ARHGAP23: variants seen among roughly 807,000 people sequenced by gnomAD.
The protein encoded by ARHGAP23 is rho GTPase-activating protein 23.
Under a neutral mutation model 136.3 loss-of-function variants are expected in ARHGAP23, and 34 were observed. That is an observed-to-expected ratio of 0.25 (90% CI 0.19 to 0.33). ARHGAP23 has a LOEUF of 0.33. Among genes scored for constraint, ARHGAP23 ranks in the 10% least tolerant of loss-of-function variants. The pLI is 1.00. For missense variants in ARHGAP23, 1,808 were observed against 2,139.0 expected, an observed-to-expected ratio of 0.85 and a Z score of 3.05; for synonymous variants, 832 against 920.5, an observed-to-expected ratio of 0.90 and a Z score of 1.74.
intron 23 of ARHGAP23, chr17:38,501,029 T>G (rs2040506596): frequency 5.3e-6 from 1 of 187,918 alleles, no homozygotes; most frequent in Non-Finnish European, 1.1e-5. Context: ...AGTAAATCTG[T>G]GGGGTGCTAT....
chr17:38,454,076 G>T (rs1297013624), intron 1 of ARHGAP23: 1 of 149,922 alleles, frequency 6.7e-6, no homozygotes. Context: ...CCGGAACCGC[G>T]CTGCCTCTGG....
At chr17:38,420,632 G>C (rs1232674518) in intron 1 of ARHGAP23, among the ~76,000 whole-genome samples, 1 of 152,132 alleles carries the variant, frequency 6.6e-6, no homozygotes, top group Non-Finnish European at 1.5e-5. Flanking sequence ...AAGTTCTGGG[G>C]GGTTGGAGAG....
intron 1 of ARHGAP23, among the ~76,000 whole-genome samples, chr17:38,440,708 G>T (rs774008494): frequency 9.8e-5 from 15 of 152,332 alleles, no homozygotes; most frequent in Non-Finnish European, 2.1e-4. Context: ...TTTCTTTGGG[G>T]GCACACAAGT....
chr17:38,478,049 CGG>C (rs2039940278), intron 12 of ARHGAP23, among the ~76,000 whole-genome samples, 153 bp downstream of exon 12: 1 of 152,146 alleles, frequency 6.6e-6, no homozygotes, highest in East Asian at 1.9e-4. Flanking sequence ...CCCAAGGTTT[CGG>C]GGTGAGGAGG....
intron 7 of ARHGAP23, among the ~76,000 whole-genome samples, chr17:38,467,718 C>G (rs2039647088): frequency 6.6e-6 from 1 of 152,100 alleles, no homozygotes; most frequent in South Asian, 2.1e-4. Context: ...ATCTATTCTT[C>G]CTTCTTTCCT....
At position 38,440,586 on chromosome 17, in the gene ARHGAP23, A is replaced by G. The variant is rs2038898236; in HGVS notation, c.63+12038A>G. 2.6e-5 allele frequency among the ~76,000 whole-genome samples: 4 copies of G among 151,968 alleles called. No individual in the cohort carries two copies. In the South Asian group the frequency reaches 8.3e-4, roughly 32 times the overall value. On this transcript the variant is annotated intron_variant, in intron 1 of 23. Transcript: ENST00000622683. ...GTTGGGACCTGAAACCTGGCCTCTGACTCGTCTTCCCTTGTGTCACTGGCC... is the reference window on the plus strand; with the variant it reads ...GTTGGGACCTGAAACCTGGCCTCTGGCTCGTCTTCCCTTGTGTCACTGGCC...
At position 38,472,014 on chromosome 17, in the gene ARHGAP23, G is replaced by A. The variant is rs1401595818; in HGVS notation, c.2118+8G>A. 2 of 1,544,786 alleles carry A rather than the reference G, an allele frequency of 1.3e-6. No homozygotes were observed. Among genetic ancestry groups the A allele is most frequent in the East Asian group, 2.4e-5 (1 of 40,904 alleles). On this transcript the variant is annotated splice_region_variant and intron_variant, in intron 11 of 23. Transcript: ENST00000622683. The stretch of plus-strand genomic sequence containing the variant: ...CTCACCAAGAAGGGGAAGGTAAGAT[G>A]GGTGGAGGAATGAGGTGGAAGCTGG...
chr17:38,428,620 C>T, intron 1 of ARHGAP23, 72 bp downstream of exon 1: 1 of 1,088,704 alleles, frequency 9.2e-7, no homozygotes, highest in Non-Finnish European at 1.2e-6. Flanking sequence ...GCCAGGGTCG[C>T]TGCGACCCCG....
chr17:38,497,780 T>C lies in ARHGAP23; in HGVS notation c.3277-5T>C. The C allele has an allele frequency of 6.4e-7, 1 of 1,551,076 alleles. No individual in the cohort carries two copies. Among genetic ancestry groups the C allele is most frequent in the Non-Finnish European group, 8.7e-7 (1 of 1,146,752 alleles). ...TTTCATCCCTTCCTTTTGTCTTCTCTGCAGTCAGACTGGTTCTTCAGTGAC... is the reference window on the plus strand; with the variant it reads ...TTTCATCCCTTCCTTTTGTCTTCTCCGCAGTCAGACTGGTTCTTCAGTGAC... On this transcript the variant is annotated splice_region_variant and splice_polypyrimidine_tract_variant and intron_variant, in intron 20 of 23. Coordinates refer to ENST00000622683, the MANE Select transcript of ARHGAP23 (RefSeq NM_001199417.2).
intron 17 of ARHGAP23, among the ~76,000 whole-genome samples, chr17:38,487,187 C>A (rs1244624368): frequency 1.3e-5 from 2 of 152,196 alleles, no homozygotes; most frequent in African/African-American, 4.8e-5. Flanking sequence ...TTAACAAAAG[C>A]AGAGTTGTAA....
chr17:38,498,880 C>T (rs2040454115), intron 22 of ARHGAP23: 2 of 697,752 alleles, frequency 2.9e-6, no homozygotes, highest in African/African-American at 1.8e-5. Flanking sequence ...TCCTCTTCTC[C>T]CCGTGCTCTC....
At position 38,463,148 on chromosome 17, in the gene ARHGAP23, G is replaced by C; in HGVS notation, c.380G>C (p.Ser127Thr). Residue 127 changes from serine (S) to threonine (T), a missense_variant, in exon 5 of 24, where the codon AGC becomes ACC. Coordinates refer to ENST00000622683, the MANE Select transcript of ARHGAP23 (RefSeq NM_001199417.2). Reference sequence around the variant, plus strand: ...CGGCTGGTAAAGGTGAATGGGGAAAGCGTCATTGGGAAGACCTACTCTCAG... The same window carrying C: ...CGGCTGGTAAAGGTGAATGGGGAAACCGTCATTGGGAAGACCTACTCTCAG... ...GDRLVKVNGE[S>T]VIGKTYSQVI... 6.4e-7 allele frequency: 1 copy of C among 1,551,580 alleles called. No individual in the cohort carries two copies. The highest frequency in any genetic ancestry group is 8.7e-7 in the Non-Finnish European group (1 of 1,146,908).
rs1477268297 is a variant in ARHGAP23 at position 38,477,701 on chromosome 17, C to T, written c.2241C>T (p.Gly747=). 4.7e-6 allele frequency: 7 copies of T among 1,502,274 alleles called. No homozygotes were observed. Among genetic ancestry groups the T allele is most frequent in the Middle Eastern group, 2.2e-4 (1 of 4,602 alleles). 93.1% of individuals were successfully genotyped at this position (1,502,274 alleles called of 1,614,324 possible). A position where few individuals can be genotyped will look rare whatever the true frequency, so the allele number is the denominator to read the frequency against. The change falls in exon 12 of 24, where the codon GGC becomes GGT. Residue 747 remains glycine, a synonymous_variant. Coordinates refer to ENST00000622683, the MANE Select transcript of ARHGAP23 (RefSeq NM_001199417.2). This position sits in a 1 kb window ranked among gnomAD's most constrained non-coding sequence, Gnocchi z 6.6. ...CGGCGGCGGGGGCTGCGGCGGCCGG[C>T]GCAGGTGAGGACGAGGCGGCGCCCG... The part of the protein sequence containing the change: ...GPAAAGAAAA[G]AGEDEAAPVC...
intron 1 of ARHGAP23, among the ~76,000 whole-genome samples, chr17:38,441,755 AG>A (rs1426430352): frequency 6.6e-6 from 1 of 152,014 alleles, no homozygotes; most frequent in East Asian, 1.9e-4. Flanking sequence ...GGGGACGGGG[AG>A]GGGGCAGGCA....
At position 38,466,814 on chromosome 17, in the gene ARHGAP23, G is replaced by T. The variant is rs1189751597; in HGVS notation, c.1131G>T (p.Arg377=). 6.5e-7 allele frequency: 1 copy of T among 1,548,948 alleles called. No homozygotes were observed. The highest frequency in any genetic ancestry group is 1.4e-5 in the African/African-American group (1 of 73,038). ...PGALVSPRFE[R]CGWASQRSSA... ...CACTGGTGTCACCCCGCTTTGAGCG[G>T]TGTGGCTGGGCTTCCCAGCGTTCGT... is the stretch of plus-strand genomic sequence containing the variant. Residue 377 remains arginine (R), a synonymous_variant, in exon 7 of 24, where the codon CGG becomes CGT. Coordinates refer to ENST00000622683, the MANE Select transcript of ARHGAP23 (RefSeq NM_001199417.2).
At position 38,510,505 on chromosome 17, in the gene ARHGAP23, G is replaced by T; in HGVS notation, c.4009G>T (p.Gly1337Cys). 8.8e-7 allele frequency: 1 copy of T among 1,142,220 alleles called. No individual in the cohort carries two copies. The highest frequency in any genetic ancestry group is 1.1e-6 in the Non-Finnish European group (1 of 932,230). The allele number at this position is 1,142,220 out of a possible 1,614,324, so 70.8% of individuals were successfully genotyped here. A position where few individuals can be genotyped will look rare whatever the true frequency, so the allele number is the denominator to read the frequency against. ...AGACGGCGAGGGCGCGGGCCGGGGCGGTCCCCGCGCCCCGGAGCCGCCCGG... is the reference window on the plus strand; with the variant it reads ...AGACGGCGAGGGCGCGGGCCGGGGCTGTCCCCGCGCCCCGGAGCCGCCCGG... The part of the protein sequence containing the change: ...RPDGEGAGRG[G>C]PRAPEPPGSA... The change falls in exon 24 of 24, where the codon GGT (glycine) becomes TGT (cysteine). Residue 1337 changes from glycine to cysteine, a missense_variant. Gly to Cys is a radical substitution (Grantham distance 159, BLOSUM62 -3). This residue lies in a region of ARHGAP23 where 506 missense variants were observed against 455.8 expected (regional missense o/e 1.11). Transcript: ENST00000622683. This position sits in a 1 kb window ranked among gnomAD's most constrained non-coding sequence, Gnocchi z 4.6.
At chr17:38,474,693 C>A (rs2039848606) in intron 11 of ARHGAP23, among the ~76,000 whole-genome samples, 2 of 152,172 alleles carry the variant, frequency 1.3e-5, no homozygotes, top group African/African-American at 4.8e-5. Flanking sequence ...CGACGAGTTA[C>A]CTGTGCCTCT....
rs755574639 is a variant in ARHGAP23 at position 38,482,526 on chromosome 17, G to A, written c.2755G>A (p.Val919Ile). ...CACCCCTCCCATGTGTCCCCAGCGC[G>A]TCCCCTTAATCGTGGCTGCATGCTG... ...ECQPATENQRVPLIVAACCRI... is the reference protein window; with the variant it reads ...ECQPATENQRIPLIVAACCRI... The change falls in exon 16 of 24, where the codon GTC becomes ATC. Residue 919 changes from valine (V) to isoleucine (I), a missense_variant. Transcript: ENST00000622683. 4.1e-5 allele frequency: 63 copies of A among 1,543,632 alleles called. No individual in the cohort carries two copies. The highest frequency in any genetic ancestry group is 1.7e-4 in the South Asian group (14 of 83,620).
chr17:38,492,873 C>T (rs1191530776), intron 20 of ARHGAP23, among the ~76,000 whole-genome samples: 7 of 152,220 alleles, frequency 4.6e-5, no homozygotes, highest in East Asian at 1.9e-4. Flanking sequence ...CGGAACCTCC[C>T]GTGAGGGTGT....
Sources: gnomAD v4.1 joint callset for allele counts (sites outside exome capture counted in the v4.1 genomes callset) on GRCh38, gnomAD v4.1.1 for gene constraint, gnomAD v4.1.1 regional missense constraint, Gnocchi (gnomAD v3.1) non-coding constraint, MANE v1.5 for transcripts, NCBI Gene and HGNC (gene_info 2026-07-23, HGNC 2026-07-21) for gene names.